Variants in CCDC43 observed in about 807,000 individuals in gnomAD.
CCDC43 encodes coiled-coil domain-containing protein 43.
CCDC43 carries 20 observed loss-of-function variants against 33.3 expected under a neutral mutation model. The ratio of observed to expected loss-of-function variants is 0.60; its 90% CI spans 0.42 to 0.87. CCDC43 has a LOEUF of 0.87. Among genes scored for constraint, CCDC43 ranks in the 40% least tolerant of loss-of-function variants. CCDC43 has a pLI of 0.00. For missense variants in CCDC43, 248 were observed against 269.9 expected (o/e 0.92, Z 0.57); for synonymous variants, 104 against 106.5 (o/e 0.98, Z 0.14).
rs750344438 is a variant in CCDC43, at chr17:44,682,157, A to C, written c.293-19T>G. The C allele has an allele frequency of 6.2e-7, 1 of 1,613,810 alleles. No individual in the cohort carries two copies. Among genetic ancestry groups the C allele is most frequent in the Non-Finnish European group, 8.5e-7 (1 of 1,179,818 alleles). ...ACTTCATCTGGGAGGTGGTGGAAGG[A>C]AGAACAAGGTTGTATGAGAGAGAAC... On this transcript the variant is annotated intron_variant, in intron 2 of 4. Transcript: ENST00000315286.
chr17:44,682,193 A>C, intron 2 of CCDC43, 55 bp from the exon 3 acceptor site: 1 of 1,606,520 alleles, frequency 6.2e-7, no homozygotes, highest in South Asian at 1.1e-5. Context: ...AAGCTCACTG[A>C]ACCACTAGTC....
intron 1 of CCDC43, chr17:44,689,095 A>C (rs1011117674): frequency 5.9e-6 from 1 of 168,938 alleles, no homozygotes; most frequent in African/African-American, 2.4e-5. Flanking sequence ...TATAAGAATC[A>C]AAAGGGCACT....
intron 4 of CCDC43, among the ~76,000 whole-genome samples, 177 bp from the exon 5 acceptor site, chr17:44,679,220 T>G (rs1055267952): frequency 6.6e-6 from 1 of 152,160 alleles, no homozygotes; most frequent in African/African-American, 2.4e-5. Context: ...ATCCTAAAGC[T>G]ATATTACAAA....
At chr17:44,680,497 G>A in intron 4 of CCDC43, 88 bp downstream of exon 4, 1 of 930,356 alleles carries the variant, frequency 1.1e-6, no homozygotes, top group Non-Finnish European at 1.8e-6. Context: ...TGAAGGTAAA[G>A]GGGAGCCGCC....
intron 4 of CCDC43, 37 bp from the exon 5 acceptor site, chr17:44,679,080 C>T: frequency 6.5e-7 from 1 of 1,527,628 alleles, no homozygotes; most frequent in African/African-American, 1.4e-5. Flanking sequence ...ACAGGTCACA[C>T]AGATCACACC....
rs781465718 is a variant in CCDC43 at position 44,683,975 on chromosome 17, G to A, written c.205-16C>T. On this transcript the variant is annotated splice_polypyrimidine_tract_variant and intron_variant, in intron 1 of 4. Transcript: ENST00000315286. ...AATCTTCTTCCTAGTTGGAAAAGCA[G>A]ACCAATTAATTTCCTGAGGGAGCCC... 6.4e-7 allele frequency: 1 copy of A among 1,561,748 alleles called. No homozygotes were observed. The highest frequency in any genetic ancestry group is 1.1e-5 in the South Asian group (1 of 89,884).
intron 1 of CCDC43, among the ~76,000 whole-genome samples, chr17:44,685,045 T>C (rs1431844567): frequency 6.6e-6 from 1 of 152,198 alleles, no homozygotes; most frequent in African/African-American, 2.4e-5. Context: ...CTTGGCCCCC[T>C]AAAGTGTTGG....
intron 1 of CCDC43, chr17:44,687,746 GCTGTAAATAAAAA>G (rs1464241020): frequency 1.3e-5 from 2 of 152,160 alleles, no homozygotes; most frequent in African/African-American, 4.8e-5. Context: ...AAACTTCCCA[GCTGTAAATAAAAA>G]CTACCTTAAA....
intron 1 of CCDC43, chr17:44,687,692 CAAGAAGTCTCAA>C (rs1972260759): frequency 6.6e-6 from 1 of 151,946 alleles, no homozygotes; most frequent in South Asian, 2.1e-4. Context: ...AAGCTGGTAC[CAAGAAGTCTCAA>C]AGTTATTTCA....
At chr17:44,686,054 C>T (rs1429820940) in intron 1 of CCDC43, among the ~76,000 whole-genome samples, 3 of 152,216 alleles carry the variant, frequency 2.0e-5, no homozygotes, top group African/African-American at 7.2e-5. Context: ...GCTGGGACTA[C>T]AGGCGCCCGC....
rs767529928 is a variant in CCDC43 at position 44,682,156 on chromosome 17, G to A, written c.293-18C>T. Reference sequence around the variant, plus strand: ...TACTTCATCTGGGAGGTGGTGGAAGGAAGAACAAGGTTGTATGAGAGAGAA... The same window carrying A: ...TACTTCATCTGGGAGGTGGTGGAAGAAAGAACAAGGTTGTATGAGAGAGAA... On this transcript the variant is annotated intron_variant, in intron 2 of 4. Coordinates refer to ENST00000315286, the MANE Select transcript of CCDC43 (RefSeq NM_144609.3). 3 of 1,613,792 alleles carry A rather than the reference G, an allele frequency of 1.9e-6. No individual in the cohort carries two copies. Among genetic ancestry groups the A allele is most frequent in the Admixed American group, 3.3e-5 (2 of 60,018 alleles).
At chr17:44,680,549 A>C in intron 4 of CCDC43, 36 bp downstream of exon 4, 3 of 1,495,158 alleles carry the variant, frequency 2.0e-6, no homozygotes, top group Non-Finnish European at 2.8e-6. Context: ...AGAGGACTCT[A>C]TGGAGAAACA....
intron 1 of CCDC43, among the ~76,000 whole-genome samples, chr17:44,688,682 AT>A (rs1219090306): frequency 1.3e-5 from 2 of 152,190 alleles, no homozygotes; most frequent in Non-Finnish European, 2.9e-5. Flanking sequence ...AGTAAATTTT[AT>A]TTTTAAGCTT....
intron 2 of CCDC43, 41 bp from the exon 3 acceptor site, chr17:44,682,179 G>C (rs754647681): frequency 3.1e-6 from 5 of 1,612,448 alleles, no homozygotes; most frequent in Non-Finnish European, 4.2e-6. Context: ...GTATGAGAGA[G>C]AACAAGCTCA....
intron 1 of CCDC43, chr17:44,688,078 T>A (rs2144698167): frequency 6.6e-6 from 1 of 152,346 alleles, no homozygotes; most frequent in South Asian, 2.1e-4. Context: ...CTTTTGGATT[T>A]GAAAATGTTT....
chr17:44,684,019 T>C (rs1972199103), intron 1 of CCDC43, 60 bp from the exon 2 acceptor site: 3 of 1,085,956 alleles, frequency 2.8e-6, no homozygotes, highest in Non-Finnish European at 4.2e-6. Flanking sequence ...AATAGTAACC[T>C]CAAAAAAGCC....
intron 1 of CCDC43, among the ~76,000 whole-genome samples, chr17:44,684,540 A>C (rs995244150): frequency 1.3e-5 from 2 of 152,076 alleles, no homozygotes; most frequent in African/African-American, 4.8e-5. Context: ...TCTACTAAAA[A>C]TACAAAAATT....
intron 2 of CCDC43, among the ~76,000 whole-genome samples, 195 bp from the exon 3 acceptor site, chr17:44,682,333 A>G (rs1051582942): frequency 2.0e-5 from 3 of 147,902 alleles, no homozygotes; most frequent in Admixed American, 6.9e-5. Flanking sequence ...CTTTGTATCC[A>G]TCTTCAATCA....
chr17:44,683,975 G>C lies in CCDC43; in HGVS notation c.205-16C>G. On this transcript the variant is annotated splice_polypyrimidine_tract_variant and intron_variant, in intron 1 of 4. Coordinates refer to ENST00000315286, the MANE Select transcript of CCDC43 (RefSeq NM_144609.3). ...AATCTTCTTCCTAGTTGGAAAAGCAGACCAATTAATTTCCTGAGGGAGCCC... is the reference window on the plus strand; with the variant it reads ...AATCTTCTTCCTAGTTGGAAAAGCACACCAATTAATTTCCTGAGGGAGCCC... The C allele has an allele frequency of 1.3e-6, 2 of 1,561,748 alleles. No homozygotes were observed. The highest frequency in any genetic ancestry group is 1.8e-6 in the Non-Finnish European group (2 of 1,132,692).
Sources: allele counts gnomAD v4.1 joint callset (sites outside exome capture counted in the v4.1 genomes callset), GRCh38; gene constraint gnomAD v4.1.1; transcripts MANE v1.5; gene names NCBI Gene and HGNC (gene_info 2026-07-23, HGNC 2026-07-21).